The following LRRC4C variants were observed in gnomAD, a reference collection of about 807,000 sequenced individuals.
LRRC4C encodes the protein leucine rich repeat containing 4C.
A neutral mutation model predicts 33.6 loss-of-function variants in LRRC4C; 5 were observed. The ratio of observed to expected loss-of-function variants is 0.15; its 90% CI spans 0.08 to 0.31. The LOEUF (loss-of-function observed/expected upper bound fraction) is 0.31. Among genes scored for constraint, LRRC4C ranks in the 10% least tolerant of loss-of-function variants. The pLI is 1.00. For missense variants in LRRC4C, 560 were observed against 796.7 expected, an observed-to-expected ratio of 0.70 and a Z score of 3.58; for synonymous variants, 329 against 302.0, an observed-to-expected ratio of 1.09 and a Z score of -0.93.
chr11:40,866,089 G>A (rs1333702568), intron 2 of LRRC4C, among the ~76,000 whole-genome samples: 1 of 149,568 alleles, frequency 6.7e-6, no homozygotes, highest in Non-Finnish European at 1.5e-5. Context: ...GAAGTATATG[G>A]TCTGATCTTT....
rs370782799 is a variant in LRRC4C at position 40,234,393 on chromosome 11, A to G, written c.-96+7126T>C. On this transcript the variant is annotated intron_variant, in intron 5 of 6. Coordinates refer to ENST00000528697, the MANE Select transcript of LRRC4C (RefSeq NM_001258419.2). ...AAAACCCCGAGCCCCAGATCCACTG[A>G]CTGAGCTCTTAATTACAAGAGTTCA... Among the ~76,000 whole-genome samples, 30 of 152,274 alleles carry G rather than the reference A, an allele frequency of 2.0e-4. No homozygotes were observed. The South Asian group carries it at 6.2e-3, about 32-fold the overall frequency.
At chr11:40,301,642 C>G (rs1046060935) in intron 4 of LRRC4C, among the ~76,000 whole-genome samples, 3 of 151,982 alleles carry the variant, frequency 2.0e-5, no homozygotes, top group African/African-American at 7.2e-5. Context: ...AAGGCATAGA[C>G]AGTGCAGATT....
chr11:41,265,862 GGGT>G (rs1565531102), intron 1 of LRRC4C, among the ~76,000 whole-genome samples: 3 of 80,030 alleles, frequency 3.7e-5, no homozygotes, highest in African/African-American at 1.5e-4. Context: ...TAATGCCCAT[GGGT>G]CTTTTCTTTT....
chr11:40,523,785 C>T (rs912010983), intron 3 of LRRC4C, among the ~76,000 whole-genome samples: 1 of 152,050 alleles, frequency 6.6e-6, no homozygotes, highest in South Asian at 2.1e-4. Context: ...ACTAATGAGA[C>T]AGTGAGGATC....
chr11:40,237,821 T>C (rs751727633), intron 5 of LRRC4C, among the ~76,000 whole-genome samples: 13 of 152,136 alleles, frequency 8.5e-5, no homozygotes, highest in Non-Finnish European at 1.3e-4. Context: ...AATATCACGA[T>C]ATCCTATACC....
rs148470207 is a variant in LRRC4C, at chr11:41,271,013, C to T, written c.-496+188418G>A. ...AAATCAAATCATTGGATTTAGGGCCCATCTTAGAATAATCTTATTCTGAGA... is the reference window on the plus strand; with the variant it reads ...AAATCAAATCATTGGATTTAGGGCCTATCTTAGAATAATCTTATTCTGAGA... On this transcript the variant is annotated intron_variant, in intron 1 of 6. Coordinates refer to ENST00000528697, the MANE Select transcript of LRRC4C (RefSeq NM_001258419.2). Among the ~76,000 whole-genome samples the T allele has an allele frequency of 1.4e-3, 218 of 152,130 alleles. 1 individual carries two copies. The highest frequency in any genetic ancestry group is 2.8e-3 in the Non-Finnish European group (187 of 67,998).
chr11:40,161,658 G>C (rs1859165420), intron 5 of LRRC4C, among the ~76,000 whole-genome samples: 1 of 152,062 alleles, frequency 6.6e-6, no homozygotes, highest in African/African-American at 2.4e-5. Flanking sequence ...GGGAGGCTAG[G>C]GCAGGAGAAT....
chr11:40,853,355 A>G (rs957503610), intron 2 of LRRC4C, among the ~76,000 whole-genome samples: 8 of 149,696 alleles, frequency 5.3e-5, no homozygotes, highest in Non-Finnish European at 8.9e-5. Context: ...CTATATATTT[A>G]TATAATTGAA....
chr11:40,958,815 A>G (rs1959069601), intron 1 of LRRC4C, among the ~76,000 whole-genome samples: 1 of 151,808 alleles, frequency 6.6e-6, no homozygotes, highest in South Asian at 2.1e-4. Flanking sequence ...ATACAGGATT[A>G]CAACAGGAAG....
intron 1 of LRRC4C, among the ~76,000 whole-genome samples, chr11:40,954,075 G>C (rs1292393647): frequency 1.3e-5 from 2 of 151,824 alleles, no homozygotes; most frequent in Non-Finnish European, 2.9e-5. Flanking sequence ...TACAGTATCA[G>C]GGCAAAAGAC....
chr11:40,834,706 G>T lies in LRRC4C; in HGVS notation c.-407+98929C>A. ...ATTCCATAAATCCCTTTGTGTAACT[G>T]AGGTGGCTTAATAATGGACACAGGC... is the stretch of plus-strand genomic sequence containing the variant. On this transcript the variant is annotated intron_variant, in intron 2 of 6. Coordinates refer to ENST00000528697, the MANE Select transcript of LRRC4C (RefSeq NM_001258419.2). Among the ~76,000 whole-genome samples the T allele has an allele frequency of 1.3e-5, 2 of 152,044 alleles. 1 individual carries two copies. The highest frequency in any genetic ancestry group is 3.9e-4 in the East Asian group (2 of 5,162).
intron 1 of LRRC4C, among the ~76,000 whole-genome samples, chr11:41,008,646 C>T (rs564413622): frequency 1.3e-5 from 2 of 152,082 alleles, no homozygotes; most frequent in Non-Finnish European, 2.9e-5. Flanking sequence ...AACAGATATG[C>T]TATTATCATC....
intron 1 of LRRC4C, among the ~76,000 whole-genome samples, chr11:40,943,094 G>T (rs1353253355): frequency 6.6e-6 from 1 of 152,108 alleles, no homozygotes; most frequent in Non-Finnish European, 1.5e-5. Context: ...TTAAATGCAG[G>T]TAATAATGAA....
Position 41,303,932 on chromosome 11 carries a change from A to C in LRRC4C, c.-496+155499T>G, listed in dbSNP as rs868772814. Among the ~76,000 whole-genome samples, 86 of 81,676 alleles carry C rather than the reference A, an allele frequency of 1.1e-3. 4 individuals carry two copies. Among genetic ancestry groups the C allele is most frequent in the African/African-American group, 1.6e-3 (42 of 26,172 alleles). The allele number at this position is 81,676 out of a possible 152,430, so 53.6% of individuals were successfully genotyped here. On this transcript the variant is annotated intron_variant, in intron 1 of 6. Coordinates refer to ENST00000528697, the MANE Select transcript of LRRC4C (RefSeq NM_001258419.2). ...GAAGTGAGGAGCCTCTCCGCCCGGC[A>C]GCCACCCCATCTGGGAAGTGAGGAG...
At chr11:41,211,992 G>C (rs1236428440) in intron 1 of LRRC4C, among the ~76,000 whole-genome samples, 1 of 152,134 alleles carries the variant, frequency 6.6e-6, no homozygotes, top group Non-Finnish European at 1.5e-5. Context: ...TCCAGCACCT[G>C]TTATTTCCTG....
intron 2 of LRRC4C, among the ~76,000 whole-genome samples, chr11:40,681,240 AAC>A (rs1208870393): frequency 6.6e-6 from 1 of 152,210 alleles, no homozygotes; most frequent in African/African-American, 2.4e-5. Context: ...CATTATTCAA[AAC>A]AACCAGTACA....
intron 5 of LRRC4C, among the ~76,000 whole-genome samples, chr11:40,187,281 T>G (rs1236837844): frequency 2.6e-5 from 4 of 151,878 alleles, no homozygotes; most frequent in Non-Finnish European, 2.9e-5. Flanking sequence ...CAGCTGAAGA[T>G]GAGAATACTT....
At chr11:41,393,083 G>A (rs962954118) in intron 1 of LRRC4C, among the ~76,000 whole-genome samples, 1 of 151,886 alleles carries the variant, frequency 6.6e-6, no homozygotes, top group Non-Finnish European at 1.5e-5. Flanking sequence ...AGTCACTTAA[G>A]TTAGTTTGCT....
intron 1 of LRRC4C, among the ~76,000 whole-genome samples, chr11:40,941,645 T>C (rs1565224434): frequency 1.3e-5 from 2 of 152,174 alleles, no homozygotes; most frequent in Non-Finnish European, 2.9e-5. Context: ...TTGATAGTGC[T>C]ACCTGAGAAG....
Sources: gnomAD v4.1 joint callset for allele counts (sites outside exome capture counted in the v4.1 genomes callset) on GRCh38, gnomAD v4.1.1 for gene constraint, MANE v1.5 for transcripts, NCBI Gene and HGNC (gene_info 2026-07-23, HGNC 2026-07-21) for gene names.